The following SCAI variants were observed in gnomAD, a reference collection of about 807,000 sequenced individuals.
The protein encoded by SCAI is protein SCAI.
Under a neutral mutation model 92.2 loss-of-function variants are expected in SCAI, and 24 were observed. The observed-to-expected ratio is 0.26, with a 90% CI of 0.19 to 0.37. The LOEUF (loss-of-function observed/expected upper bound fraction) is 0.37. SCAI is among the 10% of genes least tolerant of loss of function. SCAI has a pLI of 1.00. For missense variants in SCAI, 450 were observed against 736.2 expected (o/e 0.61, Z 4.50); for synonymous variants, 261 against 258.6 (o/e 1.01, Z -0.09).
At chr9:125,019,534 T>C (rs1407120243) in intron 7 of SCAI, among the ~76,000 whole-genome samples, 3 of 152,036 alleles carry the variant, frequency 2.0e-5, no homozygotes, top group Non-Finnish European at 4.4e-5. Flanking sequence ...ATGCAGTATC[T>C]CATACCTGTA....
intron 2 of SCAI, among the ~76,000 whole-genome samples, chr9:125,130,616 C>T (rs768451552): frequency 1.3e-5 from 2 of 151,742 alleles, no homozygotes; most frequent in Non-Finnish European, 2.9e-5. Context: ...CGGGTTGGAG[C>T]GATTCCCCTG....
chr9:125,002,842 C>G (rs1439780469), intron 11 of SCAI, among the ~76,000 whole-genome samples: 1 of 151,184 alleles, frequency 6.6e-6, no homozygotes, highest in African/African-American at 2.4e-5. Context: ...GAAGGAGAAC[C>G]ACTATTATCA....
At chr9:125,010,199 C>T (rs1393303901) in intron 9 of SCAI, among the ~76,000 whole-genome samples, 1 of 152,218 alleles carries the variant, frequency 6.6e-6, no homozygotes, top group East Asian at 1.9e-4. Flanking sequence ...GGGTGCAGCG[C>T]ACCGTGCGCG....
intron 2 of SCAI, among the ~76,000 whole-genome samples, chr9:125,106,956 C>T (rs1834814959): frequency 6.6e-6 from 1 of 151,038 alleles, no homozygotes; most frequent in African/African-American, 2.4e-5. Flanking sequence ...CTCAAATGAT[C>T]CTCCTGCCTC....
At chr9:125,037,384 G>A (rs556967965) in intron 3 of SCAI, among the ~76,000 whole-genome samples, 2 of 150,126 alleles carry the variant, frequency 1.3e-5, no homozygotes, top group African/African-American at 4.9e-5. Flanking sequence ...AGACCAGCCT[G>A]GGCAATGTAG....
At chr9:125,104,503 T>TA in intron 2 of SCAI, among the ~76,000 whole-genome samples, 1 of 151,386 alleles carries the variant, frequency 6.6e-6, no homozygotes, top group Admixed American at 6.6e-5. Flanking sequence ...GTCTGTCAGA[T>TA]AATCTTTGCT....
At chr9:125,099,494 CT>C (rs1267166578) in intron 2 of SCAI, among the ~76,000 whole-genome samples, 4 of 152,220 alleles carry the variant, frequency 2.6e-5, no homozygotes, top group Non-Finnish European at 2.9e-5. Flanking sequence ...GTTGGCCACG[CT>C]AGTCTCGACC....
At chr9:125,057,133 C>A (rs1833684894) in intron 2 of SCAI, among the ~76,000 whole-genome samples, 1 of 152,058 alleles carries the variant, frequency 6.6e-6, no homozygotes. Context: ...TAAAAATAGG[C>A]AGACAAAATA....
intron 3 of SCAI, among the ~76,000 whole-genome samples, chr9:125,042,349 A>T (rs1833332161): frequency 6.6e-6 from 1 of 152,072 alleles, no homozygotes; most frequent in Admixed American, 6.6e-5. Context: ...ACGTTGAGAT[A>T]TCAAAACTCA....
chr9:124,944,511 G>A lies in SCAI; in HGVS notation c.*8296C>T, dbSNP rs1831112132. ...TTTTTTGTATTTTAGTAGCGACAGG[G>A]TTTCACTGTATTGCCCAGACTGGTC... is the stretch of plus-strand genomic sequence containing the variant. On this transcript the variant is annotated 3_prime_UTR_variant, in exon 18 of 18. Coordinates refer to ENST00000336505, the MANE Select transcript of SCAI (RefSeq NM_001144877.3). 1 of 145,812 alleles carries A rather than the reference G, an allele frequency of 6.9e-6. No individual in the cohort carries two copies. Among genetic ancestry groups the A allele is most frequent in the South Asian group, 2.2e-4 (1 of 4,614 alleles). 9.0% of individuals were successfully genotyped at this position (145,812 alleles called of 1,614,324 possible). A position where few individuals can be genotyped will look rare whatever the true frequency, so the allele number is the denominator to read the frequency against.
chr9:125,047,659 C>G (rs10986530), intron 3 of SCAI, among the ~76,000 whole-genome samples: 2 of 151,974 alleles, frequency 1.3e-5, no homozygotes, highest in Non-Finnish European at 2.9e-5. Context: ...ATTATGAGAA[C>G]AGAAACTAAA....
chr9:124,975,833 A>G (rs1293848784), intron 15 of SCAI, among the ~76,000 whole-genome samples: 2 of 152,148 alleles, frequency 1.3e-5, no homozygotes, highest in Non-Finnish European at 2.9e-5. Flanking sequence ...ACACCTATAA[A>G]ACAAATTTTA....
In SCAI at chr9:124,952,648, C is replaced by A; in HGVS notation, c.*159G>T. ...AAGGTTGCATTTTAAAACAGTTACC[C>A]TAAAAGTGTGAACATTTTTTTGTTT... On this transcript the variant is annotated 3_prime_UTR_variant, in exon 18 of 18. Transcript: ENST00000336505. 1 of 580,424 alleles carries A rather than the reference C, an allele frequency of 1.7e-6. No individual in the cohort carries two copies. The highest frequency in any genetic ancestry group is 2.7e-5 in the South Asian group (1 of 37,106). The allele number at this position is 580,424 out of a possible 1,614,324, so 36.0% of individuals were successfully genotyped here.
chr9:125,075,171 C>T (rs1834063346), intron 2 of SCAI, among the ~76,000 whole-genome samples: 1 of 152,096 alleles, frequency 6.6e-6, no homozygotes, highest in Non-Finnish European at 1.5e-5. Context: ...TGTAAGGAAG[C>T]ATGACTCAAA....
At chr9:125,143,252 TC>T in intron 1 of SCAI, 132 bp downstream of exon 1, 3 of 299,932 alleles carry the variant, frequency 1.0e-5, no homozygotes, top group Non-Finnish European at 1.0e-5. Flanking sequence ...GCCCCCAAGG[TC>T]CCCCCAGCCT....
intron 2 of SCAI, among the ~76,000 whole-genome samples, chr9:125,074,901 G>A (rs946794030): frequency 6.6e-6 from 1 of 152,058 alleles, no homozygotes; most frequent in Non-Finnish European, 1.5e-5. Context: ...CCACTCGGGA[G>A]GCTGAGGCAG....
intron 14 of SCAI, among the ~76,000 whole-genome samples, chr9:124,979,256 G>C (rs1831827891): frequency 6.6e-6 from 1 of 151,892 alleles, no homozygotes; most frequent in Non-Finnish European, 1.5e-5. Context: ...ACTATTTCTT[G>C]GCTGGGCATG....
rs572004855 is a variant in SCAI, at chr9:125,098,260, T to C, written c.99-42253A>G. ...TTTGGAGAGACTGGGTCTTGCTATG[T>C]TGTCCAGGCCAGTCTCAAACTCCTG... On this transcript the variant is annotated intron_variant, in intron 2 of 17. Transcript: ENST00000336505. Among the ~76,000 whole-genome samples, 7 of 152,140 alleles carry C rather than the reference T, an allele frequency of 4.6e-5. No homozygotes were observed. The East Asian group carries it at 1.2e-3, about 25-fold the overall frequency.
intron 14 of SCAI, among the ~76,000 whole-genome samples, chr9:124,986,544 A>T (rs1831993909): frequency 6.6e-6 from 1 of 152,204 alleles, no homozygotes; most frequent in Non-Finnish European, 1.5e-5. Flanking sequence ...CACAGTGTGA[A>T]TGTCTAATAC....
Sources: gnomAD v4.1 joint callset for allele counts (sites outside exome capture counted in the v4.1 genomes callset) on GRCh38, gnomAD v4.1.1 for gene constraint, MANE v1.5 for transcripts, NCBI Gene and HGNC (gene_info 2026-07-23, HGNC 2026-07-21) for gene names.